The following ENPEP variants were observed in gnomAD, a reference collection of about 807,000 sequenced individuals.
ENPEP encodes the protein glutamyl aminopeptidase, also known as AP-A.
Under a neutral mutation model 114.5 loss-of-function variants are expected in ENPEP, and 103 were observed. That is an observed-to-expected ratio of 0.90 (90% CI 0.77 to 1.06). ENPEP has a LOEUF of 1.06. Ranked by LOEUF, ENPEP falls within the 50% of genes least tolerant of loss-of-function variation. The probability of loss-of-function intolerance (pLI) is 0.00; values close to 1 mark genes in which losing one functional copy is unlikely to be tolerated. For synonymous variants in ENPEP, 420 were observed against 422.0 expected (o/e 1.00, Z 0.06); for missense variants, 1,196 against 1,161.3 (o/e 1.03, Z -0.43).
intron 8 of ENPEP, among the ~76,000 whole-genome samples, chr4:110,517,641 C>A (rs1725829327): frequency 6.6e-6 from 1 of 152,074 alleles, no homozygotes; most frequent in Admixed American, 6.6e-5. Context: ...ATTTAAAAAA[C>A]CGGTTTTGTC....
chr4:110,483,469 T>C (rs1724389759), intron 1 of ENPEP, among the ~76,000 whole-genome samples: 1 of 146,900 alleles, frequency 6.8e-6, no homozygotes, highest in African/African-American at 2.5e-5. Flanking sequence ...CCTTTTTTGG[T>C]TTTTTTTTTA....
At chr4:110,521,247 G>A (rs1415478302) in intron 10 of ENPEP, among the ~76,000 whole-genome samples, 2 of 152,130 alleles carry the variant, frequency 1.3e-5, no homozygotes, top group Non-Finnish European at 2.9e-5. Flanking sequence ...GTTCATGCTT[G>A]TAGTCCTAGC....
chr4:110,525,518 T>A (rs1369464525), intron 10 of ENPEP, among the ~76,000 whole-genome samples: 1 of 152,268 alleles, frequency 6.6e-6, no homozygotes, highest in Non-Finnish European at 1.5e-5. Context: ...CTCCACTGCC[T>A]GATTGTCACT....
chr4:110,509,903 A>C, intron 5 of ENPEP, 96 bp downstream of exon 5: 1 of 1,434,228 alleles, frequency 7.0e-7, no homozygotes. Flanking sequence ...AATAAAAAAT[A>C]GCCAACTCAG....
intron 7 of ENPEP, among the ~76,000 whole-genome samples, chr4:110,513,867 C>T (rs1331447270): frequency 2.0e-5 from 3 of 152,062 alleles, no homozygotes; most frequent in Admixed American, 1.3e-4. Context: ...TTTTAAAAGA[C>T]AATAAATCTT....
chr4:110,546,376 CT>C (rs1391059677), intron 13 of ENPEP, among the ~76,000 whole-genome samples: 1 of 151,666 alleles, frequency 6.6e-6, no homozygotes, highest in Admixed American at 6.6e-5. Flanking sequence ...TTTGCAATTA[CT>C]TTATATTGTC....
At chr4:110,538,025 A>G (rs1726707621) in intron 11 of ENPEP, among the ~76,000 whole-genome samples, 1 of 152,244 alleles carries the variant, frequency 6.6e-6, no homozygotes, top group Non-Finnish European at 1.5e-5. Context: ...TTCCATTTAT[A>G]GAGCACATGC....
At position 110,489,097 on chromosome 4, in the gene ENPEP, G is replaced by A. The variant is rs1724607113; in HGVS notation, c.786+415G>A. ...GTTTTGTTTTTTTGAAAAAGATAAA[G>A]CTACTATTTAAAAAAATCATCACTT... On this transcript the variant is annotated intron_variant, in intron 2 of 19. Coordinates refer to ENST00000265162, the MANE Select transcript of ENPEP (RefSeq NM_001977.4). 2.6e-5 allele frequency among the ~76,000 whole-genome samples: 4 copies of A among 152,000 alleles called. No homozygotes were observed. The South Asian group carries it at 8.3e-4, about 32-fold the overall frequency.
At chr4:110,508,147 G>A (rs946366400) in intron 4 of ENPEP, among the ~76,000 whole-genome samples, 2 of 151,080 alleles carry the variant, frequency 1.3e-5, no homozygotes, top group Admixed American at 1.3e-4. Context: ...TCTGTTTTAT[G>A]TGCATTTTCA....
intron 18 of ENPEP, among the ~76,000 whole-genome samples, chr4:110,557,724 G>T (rs188289820): frequency 8.5e-5 from 13 of 152,184 alleles, no homozygotes; most frequent in Admixed American, 7.9e-4. Context: ...TAATGCCTCA[G>T]AATCACATTT....
At chr4:110,490,934 G>A (rs1724683551) in intron 2 of ENPEP, 99 bp from the exon 3 acceptor site, 6 of 1,283,892 alleles carry the variant, frequency 4.7e-6, no homozygotes, top group Non-Finnish European at 3.2e-6. Context: ...AAGGACTTCT[G>A]GCTAGAAAGC....
intron 3 of ENPEP, among the ~76,000 whole-genome samples, chr4:110,501,509 C>T (rs1021935819): frequency 3.3e-5 from 5 of 151,958 alleles, no homozygotes; most frequent in Non-Finnish European, 7.4e-5. Context: ...TGTTTAGGTC[C>T]CACTTATAAG....
intron 1 of ENPEP, among the ~76,000 whole-genome samples, chr4:110,486,818 A>C (rs2110335012): frequency 6.6e-6 from 1 of 152,346 alleles, no homozygotes; most frequent in South Asian, 2.1e-4. Context: ...GAAATGGAGA[A>C]AGAGTAATTC....
chr4:110,486,119 A>G (rs1343055557), intron 1 of ENPEP, among the ~76,000 whole-genome samples: 2 of 152,226 alleles, frequency 1.3e-5, no homozygotes, highest in Non-Finnish European at 2.9e-5. Context: ...TATTATTAGT[A>G]GGCAATCTAC....
intron 8 of ENPEP, chr4:110,519,042 A>G (rs1409255551): frequency 6.6e-6 from 3 of 455,510 alleles, no homozygotes; most frequent in Non-Finnish European, 1.3e-5. Flanking sequence ...ATGAATACCT[A>G]AAAGTGATTG....
In ENPEP at chr4:110,548,316, C is replaced by G. The variant is rs771507067; in HGVS notation, c.2141C>G (p.Pro714Arg). The stretch of plus-strand genomic sequence containing the variant: ...TTTGAAGATGATAAAGAGCTATATC[C>G]TATGATTGAGGTGACGTTAATGCTA... ...SMFEDDKELYPMIEEYFQGQV... is the reference protein window; with the variant it reads ...SMFEDDKELYRMIEEYFQGQV... Residue 714 changes from proline to arginine, a missense_variant, in exon 14 of 20, where the codon CCT becomes CGT. Coordinates refer to ENST00000265162, the MANE Select transcript of ENPEP (RefSeq NM_001977.4). 6.3e-7 allele frequency: 1 copy of G among 1,581,272 alleles called. No individual in the cohort carries two copies. The highest frequency in any genetic ancestry group is 2.3e-5 in the East Asian group (1 of 43,350).
intron 8 of ENPEP, among the ~76,000 whole-genome samples, chr4:110,517,962 T>A (rs1578404570): frequency 6.6e-6 from 1 of 152,244 alleles, no homozygotes; most frequent in East Asian, 1.9e-4. Flanking sequence ...TCTATGATTG[T>A]TGCCCTGAAA....
Position 110,520,074 on chromosome 4 carries a change from G to T in ENPEP, c.1575+1G>T. ...TGATTTTTGGGCAGCACTGGAAGAG[G>T]TAAGGAAGAGTATATGTCCCCAAAT... is the stretch of plus-strand genomic sequence containing the variant. On this transcript the variant is annotated splice_donor_variant, in intron 9 of 19. Coordinates refer to ENST00000265162, the MANE Select transcript of ENPEP (RefSeq NM_001977.4). LOFTEE classifies it high-confidence loss of function. 6.2e-7 allele frequency: 1 copy of T among 1,613,776 alleles called. No individual in the cohort carries two copies. The highest frequency in any genetic ancestry group is 1.3e-5 in the African/African-American group (1 of 75,040).
chr4:110,547,570 G>A (rs1458637125), intron 13 of ENPEP, among the ~76,000 whole-genome samples: 2 of 152,104 alleles, frequency 1.3e-5, no homozygotes, highest in African/African-American at 4.8e-5. Context: ...TCTTTTGAAA[G>A]GGGAAGAAAG....
Sources: gnomAD v4.1 joint callset for allele counts (sites outside exome capture counted in the v4.1 genomes callset) on GRCh38, gnomAD v4.1.1 for gene constraint, MANE v1.5 for transcripts, NCBI Gene and HGNC (gene_info 2026-07-23, HGNC 2026-07-21) for gene names.